The following PTPRK variants were observed in gnomAD, a reference collection of about 807,000 sequenced individuals.
PTPRK encodes protein tyrosine phosphatase receptor type K, also known as receptor-type tyrosine-protein phosphatase kappa.
PTPRK carries 75 observed loss-of-function variants against 178.0 expected under a neutral mutation model. That is an observed-to-expected ratio of 0.42 (90% CI 0.35 to 0.51). The LOEUF (loss-of-function observed/expected upper bound fraction) is 0.51. PTPRK is among the 20% of genes least tolerant of loss of function. The probability of loss-of-function intolerance (pLI) is 0.02; values close to 1 mark genes in which losing one functional copy is unlikely to be tolerated. For synonymous variants in PTPRK, 637 were observed against 620.6 expected, an observed-to-expected ratio of 1.03 and a Z score of -0.39; for missense variants, 1,441 against 1,797.8, an observed-to-expected ratio of 0.80 and a Z score of 3.59.
At chr6:128,132,461 A>C (rs1021956859) in intron 7 of PTPRK, among the ~76,000 whole-genome samples, 8 of 152,280 alleles carry the variant, frequency 5.3e-5, no homozygotes, top group South Asian at 2.1e-4. Context: ...CGTAAGCCAC[A>C]GCGCCCAGCC....
intron 1 of PTPRK, among the ~76,000 whole-genome samples, chr6:128,417,694 C>T (rs561965125): frequency 2.6e-5 from 4 of 152,218 alleles, no homozygotes; most frequent in African/African-American, 9.6e-5. Flanking sequence ...AAAATTTGTT[C>T]GATCATCATG....
At chr6:128,373,516 A>C (rs767516944) in intron 2 of PTPRK, among the ~76,000 whole-genome samples, 27 of 152,286 alleles carry the variant, frequency 1.8e-4, no homozygotes, top group Admixed American at 6.5e-5. Context: ...TTAATCCTTT[A>C]TAAAGAATGT....
At chr6:128,379,569 G>C (rs1837584204) in intron 2 of PTPRK, among the ~76,000 whole-genome samples, 1 of 152,208 alleles carries the variant, frequency 6.6e-6, no homozygotes, top group South Asian at 2.1e-4. Context: ...ATGTCATGTG[G>C]TGTAAGTGCT....
At chr6:128,325,407 A>T (rs1829414630) in intron 2 of PTPRK, among the ~76,000 whole-genome samples, 1 of 152,202 alleles carries the variant, frequency 6.6e-6, no homozygotes, top group Admixed American at 6.5e-5. Flanking sequence ...ATGGGAAAAA[A>T]TTTTTACAAT....
intron 3 of PTPRK, among the ~76,000 whole-genome samples, chr6:128,260,072 A>G (rs924431001): frequency 2.6e-5 from 4 of 152,208 alleles, no homozygotes; most frequent in Admixed American, 1.3e-4. Flanking sequence ...TTGAATATTT[A>G]TAAGTATTTA....
intron 2 of PTPRK, among the ~76,000 whole-genome samples, chr6:128,387,569 G>T (rs1584479447): frequency 6.6e-6 from 1 of 151,980 alleles, no homozygotes; most frequent in Non-Finnish European, 1.5e-5. Flanking sequence ...CTATCCTGCT[G>T]GTTCCCCTAA....
chr6:128,414,388 AC>A (rs2128381435), intron 1 of PTPRK, among the ~76,000 whole-genome samples: 1 of 152,260 alleles, frequency 6.6e-6, no homozygotes, highest in African/African-American at 2.4e-5. Flanking sequence ...TCCCTGTTGC[AC>A]ACCACCCTGC....
At chr6:128,439,151 A>G (rs1477231778) in intron 1 of PTPRK, among the ~76,000 whole-genome samples, 2 of 152,196 alleles carry the variant, frequency 1.3e-5, no homozygotes, top group Non-Finnish European at 1.5e-5. Flanking sequence ...TTAGATGGGA[A>G]TCAAACATTT....
intron 11 of PTPRK, among the ~76,000 whole-genome samples, chr6:128,071,561 C>G (rs1476462997): frequency 6.6e-6 from 1 of 151,986 alleles, no homozygotes; most frequent in Non-Finnish European, 1.5e-5. Context: ...AGTATCTTTC[C>G]TTGTACCAGT....
intron 29 of PTPRK, among the ~76,000 whole-genome samples, chr6:127,970,571 C>A (rs1773792120): frequency 6.6e-6 from 1 of 151,790 alleles, no homozygotes; most frequent in African/African-American, 2.4e-5. Flanking sequence ...AATATTTGAT[C>A]ATTACAGAAC....
chr6:128,245,388 T>G (rs1474046877), intron 3 of PTPRK, among the ~76,000 whole-genome samples: 1 of 152,234 alleles, frequency 6.6e-6, no homozygotes, highest in African/African-American at 2.4e-5. Flanking sequence ...GCACACTGAC[T>G]AGACATTATA....
intron 7 of PTPRK, among the ~76,000 whole-genome samples, chr6:128,171,736 C>T (rs1658822065): frequency 1.3e-5 from 2 of 151,818 alleles, no homozygotes; most frequent in Middle Eastern, 3.2e-3. Flanking sequence ...TAAGTATGCC[C>T]TATTGTTTTA....
intron 3 of PTPRK, among the ~76,000 whole-genome samples, chr6:128,319,798 T>C (rs1463934770): frequency 2.0e-5 from 3 of 152,160 alleles, no homozygotes; most frequent in East Asian, 1.9e-4. Flanking sequence ...CACATAAATA[T>C]AGTTTATGTT....
At chr6:128,475,087 T>C (rs1166531202) in intron 1 of PTPRK, among the ~76,000 whole-genome samples, 1 of 152,114 alleles carries the variant, frequency 6.6e-6, no homozygotes, top group East Asian at 1.9e-4. Context: ...CATTGCATAG[T>C]GTTTACACAC....
At chr6:128,303,039 C>T (rs948018151) in intron 3 of PTPRK, among the ~76,000 whole-genome samples, 3 of 152,132 alleles carry the variant, frequency 2.0e-5, no homozygotes, top group Admixed American at 6.6e-5. Flanking sequence ...CGATTCACTA[C>T]GCTTGTACAA....
intron 16 of PTPRK, 23 bp downstream of exon 16, chr6:127,998,697 A>G: frequency 6.5e-7 from 1 of 1,528,724 alleles, no homozygotes. Context: ...ATCAAATTCA[A>G]TACAGTATCA....
At chr6:128,488,883 CAAAT>C (rs1374129942) in intron 1 of PTPRK, among the ~76,000 whole-genome samples, 1 of 148,896 alleles carries the variant, frequency 6.7e-6, no homozygotes, top group Non-Finnish European at 1.5e-5. Flanking sequence ...CTTGTACCAA[CAAAT>C]AGAGTGTTTT....
At chr6:128,298,974 C>T (rs1378426062) in intron 3 of PTPRK, among the ~76,000 whole-genome samples, 7 of 152,064 alleles carry the variant, frequency 4.6e-5, no homozygotes, top group Non-Finnish European at 7.4e-5. Context: ...GAAAACCCCA[C>T]TGTCTCAGCC....
At chr6:128,362,676 G>T (rs892671359) in intron 2 of PTPRK, among the ~76,000 whole-genome samples, 1 of 152,090 alleles carries the variant, frequency 6.6e-6, no homozygotes, top group Admixed American at 6.6e-5. Context: ...GACAGATGGG[G>T]ACCCCTGAAT....
Sources: allele counts gnomAD v4.1 joint callset (sites outside exome capture counted in the v4.1 genomes callset), GRCh38; gene constraint gnomAD v4.1.1; transcripts MANE v1.5; gene names NCBI Gene and HGNC (gene_info 2026-07-23, HGNC 2026-07-21).